The following NELL2 variants were observed in gnomAD, a reference collection of about 807,000 sequenced individuals.
NELL2 encodes the protein neural EGFL like 2.
In NELL2, 41 loss-of-function variants were observed where a neutral mutation model predicts 109.6. The ratio of observed to expected loss-of-function variants is 0.37; its 90% CI spans 0.29 to 0.49. The LOEUF (loss-of-function observed/expected upper bound fraction) is 0.49. NELL2 is among the 20% of genes least tolerant of loss of function. The pLI is 0.98. For missense variants in NELL2, 900 were observed against 1,008.3 expected, an observed-to-expected ratio of 0.89 and a Z score of 1.45; for synonymous variants, 355 against 344.7, an observed-to-expected ratio of 1.03 and a Z score of -0.33.
intron 14 of NELL2, among the ~76,000 whole-genome samples, chr12:44,610,249 A>C (rs958766318): frequency 6.6e-6 from 1 of 151,778 alleles, no homozygotes; most frequent in Non-Finnish European, 1.5e-5. Context: ...AGCAAAAAAA[A>C]AAAAACAAAA....
At chr12:44,719,272 A>C (rs1295545485) in intron 9 of NELL2, among the ~76,000 whole-genome samples, 1 of 152,216 alleles carries the variant, frequency 6.6e-6, no homozygotes, top group Non-Finnish European at 1.5e-5. Flanking sequence ...TAAAACTCTG[A>C]AAATTCTAAG....
At chr12:44,529,271 G>T (rs1186275873) in intron 16 of NELL2, among the ~76,000 whole-genome samples, 4 of 152,094 alleles carry the variant, frequency 2.6e-5, no homozygotes, top group African/African-American at 9.7e-5. Context: ...TTAATGTATG[G>T]AATGTGAGAT....
chr12:44,593,872 G>A (rs1293276867), intron 15 of NELL2, among the ~76,000 whole-genome samples: 2 of 152,058 alleles, frequency 1.3e-5, no homozygotes, highest in African/African-American at 4.8e-5. Context: ...GCAAAGTCTT[G>A]GAACCAACCC....
At chr12:44,692,260 A>G (rs977517213) in intron 12 of NELL2, among the ~76,000 whole-genome samples, 3 of 152,186 alleles carry the variant, frequency 2.0e-5, no homozygotes, top group African/African-American at 7.2e-5. Context: ...CCTATGCTCT[A>G]TAAATGGAAC....
Position 44,699,028 on chromosome 12 carries a change from G to A in NELL2, c.1318+4698C>T, listed in dbSNP as rs146513799. Among the ~76,000 whole-genome samples, 363 of 152,252 alleles carry A rather than the reference G, an allele frequency of 2.4e-3. 3 individuals are homozygous for A. Among genetic ancestry groups the A allele is most frequent in the African/African-American group, 7.9e-3 (329 of 41,550 alleles). ...CTAAAATAATACTGAATAGTGGAAT[G>A]TGAGGATAGAAGATATAGTCAAAAC... On this transcript the variant is annotated intron_variant, in intron 12 of 19. Transcript: ENST00000429094.
At chr12:44,635,092 G>A (rs111658093) in intron 13 of NELL2, among the ~76,000 whole-genome samples, 12,157 of 152,136 alleles carry the variant, frequency 0.08, 575 homozygotes, top group Non-Finnish European at 0.1. Context: ...TTTGAGAAGT[G>A]TCTATTCGTA....
intron 15 of NELL2, among the ~76,000 whole-genome samples, chr12:44,601,293 A>G (rs1565998869): frequency 6.6e-6 from 1 of 152,206 alleles, no homozygotes; most frequent in South Asian, 2.1e-4. Context: ...AGTGAGTTAG[A>G]TTTTTTCCAA....
rs188083463 is a variant in NELL2 at position 44,529,233 on chromosome 12, A to G, written c.1804+3348T>C. ...TGAGGGGTGGTCAGACTGGGAATATATTTTGAAAGTTGAAACTGTGAGATT... is the reference window on the plus strand; with the variant it reads ...TGAGGGGTGGTCAGACTGGGAATATGTTTTGAAAGTTGAAACTGTGAGATT... On this transcript the variant is annotated intron_variant, in intron 16 of 19. Transcript: ENST00000429094. 1.6e-4 allele frequency among the ~76,000 whole-genome samples: 24 copies of G among 152,278 alleles called. 1 individual carries two copies. The East Asian group carries it at 4.2e-3, about 27-fold the overall frequency.
chr12:44,543,293 C>A (rs989986546), intron 15 of NELL2, among the ~76,000 whole-genome samples: 5 of 152,116 alleles, frequency 3.3e-5, no homozygotes, highest in Non-Finnish European at 7.4e-5. Context: ...ATCCAATCAT[C>A]AGCAAATCCT....
intron 13 of NELL2, among the ~76,000 whole-genome samples, chr12:44,612,525 G>T (rs2136255007): frequency 6.6e-6 from 1 of 151,776 alleles, no homozygotes; most frequent in African/African-American, 2.4e-5. Context: ...ATAAATTCAT[G>T]ATTACTACTG....
At chr12:44,624,359 C>T (rs1045634132) in intron 13 of NELL2, among the ~76,000 whole-genome samples, 1 of 152,038 alleles carries the variant, frequency 6.6e-6, no homozygotes, top group Non-Finnish European at 1.5e-5. Flanking sequence ...TACCCTTCTC[C>T]CCAACTGCAA....
At chr12:44,868,154 G>T (rs2136826228) in intron 2 of NELL2, among the ~76,000 whole-genome samples, 1 of 139,884 alleles carries the variant, frequency 7.1e-6, no homozygotes, top group African/African-American at 2.6e-5. Context: ...TGAACTACCT[G>T]AAAAAGAAAT....
chr12:44,732,650 T>G (rs1939429548), intron 9 of NELL2, among the ~76,000 whole-genome samples: 1 of 151,990 alleles, frequency 6.6e-6, no homozygotes, highest in South Asian at 2.1e-4. Context: ...TTGGCAATAA[T>G]TTTCTGGATA....
intron 15 of NELL2, among the ~76,000 whole-genome samples, chr12:44,587,505 G>A (rs1402349460): frequency 6.6e-6 from 1 of 151,810 alleles, no homozygotes; most frequent in African/African-American, 2.4e-5. Context: ...CCAAGGGAAT[G>A]ATTTGTGATG....
chr12:44,636,435 T>C lies in NELL2; in HGVS notation c.1445-25465A>G, dbSNP rs778494803. ...GCTATGAGTCTGTCATAAATAGCTC[T>C]TATTATTTTGAGATATGTTTCATCA... is the stretch of plus-strand genomic sequence containing the variant. On this transcript the variant is annotated intron_variant, in intron 13 of 19. Coordinates refer to ENST00000429094, the MANE Select transcript of NELL2 (RefSeq NM_001145108.2). 5.3e-5 allele frequency among the ~76,000 whole-genome samples: 8 copies of C among 152,188 alleles called. No homozygotes were observed. In the South Asian group the frequency reaches 1.0e-3, roughly 20 times the overall value.
At chr12:44,786,601 C>G (rs912345111) in intron 3 of NELL2, among the ~76,000 whole-genome samples, 8 of 152,076 alleles carry the variant, frequency 5.3e-5, no homozygotes. Flanking sequence ...GCACTATTTA[C>G]AATAGCAAAG....
intron 13 of NELL2, among the ~76,000 whole-genome samples, chr12:44,625,294 T>C (rs1946213775): frequency 6.6e-6 from 1 of 151,942 alleles, no homozygotes; most frequent in South Asian, 2.1e-4. Flanking sequence ...TATAAAGATG[T>C]GTTTCATTTT....
At chr12:44,870,256 AT>A (rs1208809620) in intron 2 of NELL2, among the ~76,000 whole-genome samples, 1 of 152,208 alleles carries the variant, frequency 6.6e-6, no homozygotes, top group African/African-American at 2.4e-5. Context: ...TAAGTCCTCA[AT>A]AATAGAGTCA....
intron 1 of NELL2, among the ~76,000 whole-genome samples, chr12:44,909,740 CAG>C (rs1465404178): frequency 1.4e-5 from 2 of 140,668 alleles, no homozygotes; most frequent in African/African-American, 5.9e-5. Flanking sequence ...CACACAGACA[CAG>C]ACACACACAC....
Sources: gnomAD v4.1 joint callset for allele counts (sites outside exome capture counted in the v4.1 genomes callset) on GRCh38, gnomAD v4.1.1 for gene constraint, MANE v1.5 for transcripts, NCBI Gene and HGNC (gene_info 2026-07-23, HGNC 2026-07-21) for gene names.